Variants in FRMD4B observed in about 807,000 individuals in gnomAD.
FRMD4B encodes FERM domain containing 4B.
Under a neutral mutation model 141.5 loss-of-function variants are expected in FRMD4B, and 74 were observed. The observed-to-expected ratio is 0.52, with a 90% CI of 0.43 to 0.63. FRMD4B has a LOEUF of 0.63. Ranked by LOEUF, FRMD4B falls within the 30% of genes least tolerant of loss-of-function variation. FRMD4B has a pLI of 0.00. For synonymous variants in FRMD4B, 506 were observed against 467.9 expected (o/e 1.08, Z -1.05); for missense variants, 1,366 against 1,253.4 (o/e 1.09, Z -1.36).
At chr3:69,384,578 C>T (rs980148227) in intron 1 of FRMD4B, among the ~76,000 whole-genome samples, 1 of 152,218 alleles carries the variant, frequency 6.6e-6, no homozygotes, top group African/African-American at 2.4e-5. Context: ...CCACAATTCC[C>T]TAATACTCTC....
At chr3:69,283,408 A>AAAAC (rs5849891) in intron 5 of FRMD4B, among the ~76,000 whole-genome samples, 66,333 of 140,692 alleles carry the variant, frequency 0.47, 16,095 homozygotes, top group East Asian at 0.53. Context: ...CAACAAACAA[A>AAAAC]AAACAAAAAA....
intron 9 of FRMD4B, among the ~76,000 whole-genome samples, 154 bp from the exon 10 acceptor site, chr3:69,218,533 G>C (rs1385420278): frequency 6.6e-6 from 1 of 152,006 alleles, no homozygotes; most frequent in Non-Finnish European, 1.5e-5. Context: ...ACCATTTTGG[G>C]GAGTAATATA....
chr3:69,378,323 G>A (rs1196104658), intron 1 of FRMD4B, among the ~76,000 whole-genome samples: 4 of 152,264 alleles, frequency 2.6e-5, no homozygotes, highest in African/African-American at 9.6e-5. Flanking sequence ...ACTGAGAAGT[G>A]ACATGAGCCA....
At chr3:69,538,134 G>A (rs1701113239) in intron 1 of FRMD4B, among the ~76,000 whole-genome samples, 1 of 152,162 alleles carries the variant, frequency 6.6e-6, no homozygotes, top group African/African-American at 2.4e-5. Context: ...GTGCTATATG[G>A]TCGTCTTGTC....
At chr3:69,510,853 C>G (rs1226094279) in intron 1 of FRMD4B, among the ~76,000 whole-genome samples, 2 of 152,212 alleles carry the variant, frequency 1.3e-5, no homozygotes, top group East Asian at 3.8e-4. Flanking sequence ...TCTCATACTT[C>G]AGAACATTCT....
chr3:69,253,181 C>CTTTTTTTTTTTTTTTTTTTT (rs781662739), intron 5 of FRMD4B, among the ~76,000 whole-genome samples: 1 of 121,952 alleles, frequency 8.2e-6, no homozygotes. Flanking sequence ...AATATGATTC[C>CTTTTTTTTTTTTTTTTTTTT]TATTTTTTTT....
intron 5 of FRMD4B, among the ~76,000 whole-genome samples, chr3:69,254,881 G>T (rs2093483785): frequency 6.6e-6 from 1 of 152,046 alleles, no homozygotes; most frequent in Non-Finnish European, 1.5e-5. Context: ...TGCATTACTA[G>T]ATCCAGTCAT....
At chr3:69,348,927 CCT>C (rs59919791) in intron 1 of FRMD4B, among the ~76,000 whole-genome samples, 21,946 of 151,762 alleles carry the variant, frequency 0.14, 2,005 homozygotes, top group African/African-American at 0.24. Flanking sequence ...ACTGGGATGC[CCT>C]CTCTCACCAC....
chr3:69,396,330 C>A (rs11923981), intron 2 of FRMD4B, among the ~76,000 whole-genome samples: 5,466 of 152,078 alleles, frequency 0.036, 332 homozygotes, highest in African/African-American at 0.12. Context: ...TATGGTGAAA[C>A]CCCTTCTCCA....
At chr3:69,368,554 A>G (rs1445070634) in intron 1 of FRMD4B, among the ~76,000 whole-genome samples, 1 of 152,186 alleles carries the variant, frequency 6.6e-6, no homozygotes, top group Non-Finnish European at 1.5e-5. Context: ...TACTTCTTGA[A>G]CAAATGCAAT....
At chr3:69,175,524 A>T (rs2092634832) in intron 22 of FRMD4B, among the ~76,000 whole-genome samples, 1 of 152,188 alleles carries the variant, frequency 6.6e-6, no homozygotes, top group Non-Finnish European at 1.5e-5. Flanking sequence ...GGATCAGATA[A>T]AAAACGCAGC....
At chr3:69,187,311 C>T (rs540637235) in intron 19 of FRMD4B, among the ~76,000 whole-genome samples, 5 of 151,582 alleles carry the variant, frequency 3.3e-5, no homozygotes, top group East Asian at 3.9e-4. Context: ...TTTGGGAGGC[C>T]GAGGCAGGCA....
chr3:69,176,543 GA>G lies in FRMD4B; in HGVS notation c.2964del (p.Pro989LeufsTer45). On this transcript the variant is annotated frameshift_variant, in exon 22 of 23. Transcript: ENST00000398540. LOFTEE classifies it high-confidence loss of function. ...CCTCACCTGCTTGGAGAGGGTAAAG[GA>G]TTATAGACATTGCCATAGCAGCTGG... ...SYTSCYGNVYNPLPSPSRQYT... is the reference protein window; with the variant it reads ...SYTSCYGNVYXPLPSPSRQYT... 6.2e-7 allele frequency: 1 copy of G among 1,612,482 alleles called. No individual in the cohort carries two copies. The highest frequency in any genetic ancestry group is 8.5e-7 in the Non-Finnish European group (1 of 1,178,524).
intron 4 of FRMD4B, among the ~76,000 whole-genome samples, chr3:69,291,773 T>C (rs990545619): frequency 6.6e-6 from 1 of 152,244 alleles, no homozygotes; most frequent in Non-Finnish European, 1.5e-5. Context: ...CTGTGTTTTC[T>C]GAGTCTTTGT....
At chr3:69,251,158 A>T (rs2093461745) in intron 5 of FRMD4B, among the ~76,000 whole-genome samples, 1 of 152,328 alleles carries the variant, frequency 6.6e-6, no homozygotes, top group African/African-American at 2.4e-5. Flanking sequence ...ATGCAAAAAA[A>T]TTCCACGTAA....
At chr3:69,468,923 G>C (rs1364905942) in intron 1 of FRMD4B, among the ~76,000 whole-genome samples, 1 of 152,136 alleles carries the variant, frequency 6.6e-6, no homozygotes, top group Non-Finnish European at 1.5e-5. Context: ...CATCAATACA[G>C]ACCTATGGCC....
At chr3:69,389,282 C>T (rs1443677751), upstream of FRMD4B, among the ~76,000 whole-genome samples, 4 of 152,160 alleles carry the variant, frequency 2.6e-5, no homozygotes, top group East Asian at 3.9e-4. Context: ...CCTCCCCCCT[C>T]GGCCTCCCAA....
chr3:69,201,627 G>A (rs1035086302), intron 11 of FRMD4B, among the ~76,000 whole-genome samples: 3 of 152,196 alleles, frequency 2.0e-5, no homozygotes, highest in African/African-American at 4.8e-5. Flanking sequence ...CTAGCTGGCA[G>A]CTGGATATAA....
intron 1 of FRMD4B, among the ~76,000 whole-genome samples, chr3:69,506,928 A>G (rs1028340808): frequency 3.3e-5 from 5 of 152,180 alleles, no homozygotes; most frequent in African/African-American, 1.2e-4. Flanking sequence ...GCAGTGCTGT[A>G]CTTTCCAAGG....
Sources: gnomAD v4.1 joint callset for allele counts (sites outside exome capture counted in the v4.1 genomes callset) on GRCh38, gnomAD v4.1.1 for gene constraint, MANE v1.5 for transcripts, NCBI Gene and HGNC (gene_info 2026-07-23, HGNC 2026-07-21) for gene names.